MRAS: variants seen among roughly 807,000 people sequenced by gnomAD.
MRAS encodes the protein ras-related protein M-Ras.
Under a neutral mutation model 20.9 loss-of-function variants are expected in MRAS, and 4 were observed. That is an observed-to-expected ratio of 0.19 (90% confidence interval 0.09 to 0.44). The LOEUF (loss-of-function observed/expected upper bound fraction) is 0.44, where lower values mean the gene tolerates loss of function less well. Among genes scored for constraint, MRAS ranks in the 20% least tolerant of loss-of-function variants. The pLI, the probability that MRAS is intolerant of heterozygous loss-of-function variation, is 0.99. For synonymous variants in MRAS, 98 were observed against 102.9 expected (o/e 0.95, Z 0.29); for missense variants, 154 against 277.5 (o/e 0.56, Z 3.16).
chr3:138,367,763 C>T (rs2054590926), intron 1 of MRAS, among the ~76,000 whole-genome samples: 1 of 152,144 alleles, frequency 6.6e-6, no homozygotes, highest in Non-Finnish European at 1.5e-5. Context: ...CTCTTGTCCT[C>T]GTGGAGCTTA....
chr3:138,351,640 C>T (rs2054229176), intron 1 of MRAS, among the ~76,000 whole-genome samples: 1 of 152,162 alleles, frequency 6.6e-6, no homozygotes, highest in Admixed American at 6.5e-5. Flanking sequence ...ACCCAAATAA[C>T]AGTAAGTAAG....
chr3:138,382,155 A>G (rs1320606898), intron 2 of MRAS, among the ~76,000 whole-genome samples: 4 of 152,144 alleles, frequency 2.6e-5, no homozygotes, highest in Non-Finnish European at 4.4e-5. Context: ...AGATTATGCA[A>G]TCCAGCCCTG....
At chr3:138,395,813 C>A (rs927697974) in intron 2 of MRAS, among the ~76,000 whole-genome samples, 1 of 152,232 alleles carries the variant, frequency 6.6e-6, no homozygotes, top group African/African-American at 2.4e-5. Flanking sequence ...ACACTTCCTG[C>A]CACCTAGCAG....
chr3:138,393,353 A>G (rs1156551951), intron 2 of MRAS, among the ~76,000 whole-genome samples: 2 of 152,034 alleles, frequency 1.3e-5, no homozygotes, highest in Non-Finnish European at 2.9e-5. Context: ...GCTTGAACTT[A>G]CTGCACTGGC....
chr3:138,375,413 C>A (rs1174674456), intron 2 of MRAS, among the ~76,000 whole-genome samples: 2 of 152,184 alleles, frequency 1.3e-5, no homozygotes, highest in Non-Finnish European at 2.9e-5. Flanking sequence ...ATTCAATTTT[C>A]TGGAAGAGTT....
At chr3:138,365,855 A>T (rs1466009058) in intron 1 of MRAS, among the ~76,000 whole-genome samples, 1 of 151,866 alleles carries the variant, frequency 6.6e-6, no homozygotes, top group Non-Finnish European at 1.5e-5. Context: ...AATGGGGGGG[A>T]GCAGCACCCA....
At chr3:138,395,635 A>G (rs1374350191) in intron 2 of MRAS, among the ~76,000 whole-genome samples, 1 of 152,086 alleles carries the variant, frequency 6.6e-6, no homozygotes, top group African/African-American at 2.4e-5. Flanking sequence ...CCAAAATGAC[A>G]CCAACTTCTG....
At chr3:138,389,952 G>C (rs2055096024) in intron 2 of MRAS, among the ~76,000 whole-genome samples, 1 of 152,058 alleles carries the variant, frequency 6.6e-6, no homozygotes, top group East Asian at 1.9e-4. Flanking sequence ...GGTGGAAGAG[G>C]GGGAGAAGGT....
At chr3:138,380,795 G>A (rs1026335656) in intron 2 of MRAS, among the ~76,000 whole-genome samples, 2 of 151,008 alleles carry the variant, frequency 1.3e-5, no homozygotes, top group Non-Finnish European at 2.9e-5. Context: ...TTTTGAGACG[G>A]TGTCTCGCTC....
intron 1 of MRAS, among the ~76,000 whole-genome samples, chr3:138,359,883 T>A (rs1416577651): frequency 2.0e-5 from 3 of 152,244 alleles, no homozygotes; most frequent in Non-Finnish European, 4.4e-5. Flanking sequence ...TTGATTTATT[T>A]GGGTTACACA....
chr3:138,366,864 A>G (rs1055714098), intron 1 of MRAS, among the ~76,000 whole-genome samples: 4 of 152,198 alleles, frequency 2.6e-5, no homozygotes, highest in Admixed American at 2.6e-4. Flanking sequence ...AGTGGGGTGC[A>G]TGGAGAGGCT....
At chr3:138,370,097 G>A (rs1166184601) in intron 1 of MRAS, among the ~76,000 whole-genome samples, 1 of 152,100 alleles carries the variant, frequency 6.6e-6, no homozygotes, top group Non-Finnish European at 1.5e-5. Context: ...AGGCAGGCAG[G>A]TCACAAGGTC....
chr3:138,385,407 A>G (rs2054990754), intron 2 of MRAS, among the ~76,000 whole-genome samples: 1 of 151,134 alleles, frequency 6.6e-6, no homozygotes, highest in East Asian at 1.9e-4. Flanking sequence ...TCAGCCTCCC[A>G]AAGTATTGGG....
At chr3:138,386,109 G>A (rs932242957) in intron 2 of MRAS, among the ~76,000 whole-genome samples, 9 of 151,958 alleles carry the variant, frequency 5.9e-5, no homozygotes, top group African/African-American at 1.5e-4. Flanking sequence ...GAATTCACAC[G>A]CACAGTTCAG....
chr3:138,376,930 G>A (rs4437086), intron 2 of MRAS, among the ~76,000 whole-genome samples: 3 of 152,172 alleles, frequency 2.0e-5, no homozygotes, highest in Non-Finnish European at 4.4e-5. Flanking sequence ...CTGGTACATC[G>A]TTGGAACTCA....
At chr3:138,348,428 T>C (rs1054079677), upstream of MRAS, 1 of 152,070 alleles carries the variant, frequency 6.6e-6, no homozygotes, top group African/African-American at 2.4e-5. Context: ...GGGCTGGACT[T>C]CGTAGGCGCG....
intron 2 of MRAS, among the ~76,000 whole-genome samples, chr3:138,396,643 G>T: frequency 6.6e-6 from 1 of 152,186 alleles, no homozygotes; most frequent in Non-Finnish European, 1.5e-5. Flanking sequence ...AGTGAGGGGC[G>T]AGAGCACCTG....
chr3:138,392,686 G>T (rs991526148), intron 2 of MRAS, among the ~76,000 whole-genome samples: 3 of 152,034 alleles, frequency 2.0e-5, no homozygotes, highest in African/African-American at 7.2e-5. Context: ...CATGTGGCTG[G>T]CATGTTCTTT....
chr3:138,355,362 C>T (rs954659251), intron 1 of MRAS, among the ~76,000 whole-genome samples: 1 of 152,228 alleles, frequency 6.6e-6, no homozygotes, highest in African/African-American at 2.4e-5. Context: ...CTGATTGACT[C>T]CTGAGCTGAA....
Sources: allele counts gnomAD v4.1 joint callset (sites outside exome capture counted in the v4.1 genomes callset), GRCh38; gene constraint gnomAD v4.1.1; transcripts MANE v1.5; gene names NCBI Gene and HGNC (gene_info 2026-07-23, HGNC 2026-07-21).